MBNL1: variants seen among roughly 807,000 people sequenced by gnomAD.
The protein encoded by MBNL1 is muscleblind like splicing regulator 1.
MBNL1 carries 8 observed loss-of-function variants against 42.2 expected under a neutral mutation model. The ratio of observed to expected loss-of-function variants is 0.19; its 90% CI spans 0.11 to 0.34. The LOEUF is 0.34. Among genes scored for constraint, MBNL1 ranks in the 10% least tolerant of loss-of-function variants. The pLI, the probability that MBNL1 is intolerant of heterozygous loss-of-function variation, is 1.00. For missense variants in MBNL1, 309 were observed against 495.3 expected (o/e 0.62, Z 3.57); for synonymous variants, 169 against 173.9 (o/e 0.97, Z 0.22).
intron 2 of MBNL1, among the ~76,000 whole-genome samples, chr3:152,316,491 G>T (rs908027654): frequency 6.6e-6 from 1 of 152,150 alleles, no homozygotes; most frequent in South Asian, 2.1e-4. Context: ...TTTTCCAAGC[G>T]TCCTGCCTGC....
intron 2 of MBNL1, among the ~76,000 whole-genome samples, chr3:152,401,879 A>G (rs577510081): frequency 6.6e-6 from 1 of 152,042 alleles, no homozygotes; most frequent in Non-Finnish European, 1.5e-5. Context: ...AAATACAAAA[A>G]AAATCAGCCG....
chr3:152,261,951 G>T (rs542420064), intron 2 of MBNL1, among the ~76,000 whole-genome samples: 15 of 152,130 alleles, frequency 9.9e-5, no homozygotes, highest in Non-Finnish European at 2.1e-4. Flanking sequence ...CTTGCCATCT[G>T]CTTGGCACAT....
intron 4 of MBNL1, among the ~76,000 whole-genome samples, chr3:152,437,654 TATTACATATATCACATATAC>T (rs2099096559): frequency 6.6e-6 from 1 of 152,296 alleles, no homozygotes; most frequent in East Asian, 1.9e-4. Flanking sequence ...TATAAGCATA[TATTACATATATCACATATAC>T]ACACAACATG....
chr3:152,295,084 T>C (rs1185101833), intron 1 of MBNL1, among the ~76,000 whole-genome samples: 2 of 152,204 alleles, frequency 1.3e-5, no homozygotes, highest in African/African-American at 4.8e-5. Context: ...TTTTAATTGT[T>C]CAGTGTCTAT....
At chr3:152,453,422 C>A (rs564924725) in intron 6 of MBNL1, among the ~76,000 whole-genome samples, 1 of 152,140 alleles carries the variant, frequency 6.6e-6, no homozygotes, top group Non-Finnish European at 1.5e-5. Flanking sequence ...CAGAAGCACA[C>A]CATTCTGCTC....
chr3:152,286,467 T>A (rs1417481723), intron 1 of MBNL1, among the ~76,000 whole-genome samples: 2 of 139,844 alleles, frequency 1.4e-5, no homozygotes, highest in Non-Finnish European at 3.1e-5. Context: ...TAAATATATT[T>A]TATTTATAAT....
chr3:152,362,225 AGCTCT>A (rs1448393047), intron 2 of MBNL1, among the ~76,000 whole-genome samples: 11 of 152,308 alleles, frequency 7.2e-5, no homozygotes, highest in Admixed American at 2.6e-4. Flanking sequence ...AGATTGCAGC[AGCTCT>A]GACAAAGCAC....
At chr3:152,297,256 T>A (rs1263064036) in intron 1 of MBNL1, among the ~76,000 whole-genome samples, 2 of 142,088 alleles carry the variant, frequency 1.4e-5, no homozygotes, top group Non-Finnish European at 3.0e-5. Flanking sequence ...GGACCTTTGT[T>A]TTTTTTTTTT....
At chr3:152,445,222 C>T in intron 4 of MBNL1, 60 bp from the exon 5 acceptor site, 1 of 1,487,862 alleles carries the variant, frequency 6.7e-7, no homozygotes, top group Non-Finnish European at 9.2e-7. Context: ...AAGTTAAAAT[C>T]TTCAGAAAGC....
chr3:152,435,571 T>C (rs1457405222), intron 4 of MBNL1, among the ~76,000 whole-genome samples: 1 of 152,220 alleles, frequency 6.6e-6, no homozygotes, highest in Non-Finnish European at 1.5e-5. Context: ...TTTCTAATTC[T>C]GTGAAGAATG....
chr3:152,312,861 T>C lies in MBNL1; in HGVS notation c.174+12494T>C, dbSNP rs115421871. 9.4e-3 allele frequency among the ~76,000 whole-genome samples: 1,434 copies of C among 152,292 alleles called. 25 individuals carry two copies. Among genetic ancestry groups the C allele is most frequent in the African/African-American group, 0.032 (1,340 of 41,552 alleles). ...GCTCTTTTCTTTGGGATGAAATTTG[T>C]AATAAAAATTATTTTGTAGCAAATA... On this transcript the variant is annotated intron_variant, in intron 2 of 9. Transcript: ENST00000324210.
chr3:152,370,747 T>C (rs1217926067), intron 2 of MBNL1, among the ~76,000 whole-genome samples: 1 of 152,214 alleles, frequency 6.6e-6, no homozygotes, highest in Non-Finnish European at 1.5e-5. Context: ...TTTACCATTA[T>C]GTAATGCCCT....
At chr3:152,324,666 C>T (rs994485033) in intron 2 of MBNL1, among the ~76,000 whole-genome samples, 12 of 152,162 alleles carry the variant, frequency 7.9e-5, no homozygotes, top group African/African-American at 2.9e-4. Context: ...GAGGAATAGC[C>T]ATGTAGAATT....
chr3:152,318,506 T>G (rs1411856208), intron 2 of MBNL1, among the ~76,000 whole-genome samples: 1 of 152,214 alleles, frequency 6.6e-6, no homozygotes, highest in Non-Finnish European at 1.5e-5. Flanking sequence ...GTTTTAAGTT[T>G]ATAAAATTAC....
intron 2 of MBNL1, among the ~76,000 whole-genome samples, chr3:152,371,169 A>G (rs1267170654): frequency 6.6e-6 from 1 of 152,162 alleles, no homozygotes; most frequent in Non-Finnish European, 1.5e-5. Context: ...TGCTTCCTTC[A>G]GAAGATCTTG....
At chr3:152,428,927 G>A (rs2098971126) in intron 3 of MBNL1, among the ~76,000 whole-genome samples, 1 of 152,086 alleles carries the variant, frequency 6.6e-6, no homozygotes, top group Admixed American at 6.6e-5. Flanking sequence ...CAAAAATGGG[G>A]CTAATACCCA....
At chr3:152,430,859 G>C (rs1379465257) in intron 3 of MBNL1, among the ~76,000 whole-genome samples, 1 of 152,192 alleles carries the variant, frequency 6.6e-6, no homozygotes. Context: ...GATTAGAGGT[G>C]CTACTTGAGG....
chr3:152,433,015 T>C, intron 4 of MBNL1, 95 bp downstream of exon 4: 1 of 1,108,590 alleles, frequency 9.0e-7, no homozygotes, highest in Non-Finnish European at 1.3e-6. Flanking sequence ...CAAAAAGTTG[T>C]AAAAATTTTA....
intron 2 of MBNL1, among the ~76,000 whole-genome samples, chr3:152,412,138 A>G (rs1233776993): frequency 2.0e-5 from 3 of 152,200 alleles, no homozygotes; most frequent in Non-Finnish European, 4.4e-5. Flanking sequence ...CTAATGGAGG[A>G]TGTATATTCT....
Sources: gnomAD v4.1 joint callset for allele counts (sites outside exome capture counted in the v4.1 genomes callset) on GRCh38, gnomAD v4.1.1 for gene constraint, MANE v1.5 for transcripts, NCBI Gene and HGNC (gene_info 2026-07-23, HGNC 2026-07-21) for gene names.